Variants in PARG observed in about 807,000 individuals in gnomAD.
PARG encodes the protein mitochondrial poly(ADP-ribose) glycohydrolase.
PARG carries 35 observed loss-of-function variants against 113.0 expected under a neutral mutation model. That is an observed-to-expected ratio of 0.31 (90% CI 0.24 to 0.41). The LOEUF (loss-of-function observed/expected upper bound fraction) is 0.41. PARG is among the 10% of genes least tolerant of loss of function. The pLI, the probability that PARG is intolerant of heterozygous loss-of-function variation, is 1.00. For missense variants in PARG, 797 were observed against 1,169.4 expected, an observed-to-expected ratio of 0.68 and a Z score of 4.64; for synonymous variants, 330 against 409.9, an observed-to-expected ratio of 0.81 and a Z score of 2.36.
chr10:49,937,345 G>A (rs1564671218), intron 1 of PARG, among the ~76,000 whole-genome samples: 2 of 151,936 alleles, frequency 1.3e-5, no homozygotes, highest in Admixed American at 1.3e-4. Context: ...ACGTGGTGGC[G>A]GGCGCCTGTA....
intron 9 of PARG, among the ~76,000 whole-genome samples, chr10:49,877,216 TTTAA>T (rs1245681104): frequency 6.9e-6 from 1 of 144,206 alleles, no homozygotes; most frequent in Non-Finnish European, 1.6e-5. Flanking sequence ...AGTTTTTAAG[TTTAA>T]TTAAAATTTA....
chr10:49,876,793 T>C (rs1243483707), intron 9 of PARG, among the ~76,000 whole-genome samples: 8 of 151,084 alleles, frequency 5.3e-5, no homozygotes, highest in African/African-American at 1.9e-4. Flanking sequence ...GTGGGGAATA[T>C]TGCAGTTGCT....
chr10:49,933,477 G>A lies in PARG; in HGVS notation c.971C>T (p.Pro324Leu). 1 of 1,610,364 alleles carries A rather than the reference G, an allele frequency of 6.2e-7. No individual in the cohort carries two copies. The highest frequency in any genetic ancestry group is 1.7e-5 in the Admixed American group (1 of 59,996). The change falls in exon 3 of 18, where the codon CCA becomes CTA. Residue 324 changes from proline (P) to leucine (L), a missense_variant. Physicochemically the swap from Pro to Leu is moderately conservative, Grantham distance 98 (BLOSUM62 -3). Coordinates refer to ENST00000616448, the MANE Select transcript of PARG (RefSeq NM_003631.5). ...ACCATCTTCTTGTTCATCAAAACCTGGACTTGTCTCCTCATCTGCTTCTGA... is the reference window on the plus strand; with the variant it reads ...ACCATCTTCTTGTTCATCAAAACCTAGACTTGTCTCCTCATCTGCTTCTGA... ...QDSEADEETS[P>L]GFDEQEDGSS...
At chr10:49,889,647 C>T (rs1434395742) in intron 7 of PARG, among the ~76,000 whole-genome samples, 1 of 152,196 alleles carries the variant, frequency 6.6e-6, no homozygotes, top group Non-Finnish European at 1.5e-5. Flanking sequence ...GAGAGAAGTG[C>T]CTATTCAACC....
chr10:49,929,574 T>A (rs1838385922), intron 4 of PARG, among the ~76,000 whole-genome samples: 1 of 152,266 alleles, frequency 6.6e-6, no homozygotes. Flanking sequence ...ACGCCTGTAA[T>A]CCCAGCACTT....
chr10:49,888,554 T>C (rs1554840858), intron 7 of PARG, among the ~76,000 whole-genome samples: 8 of 152,224 alleles, frequency 5.3e-5, no homozygotes. Context: ...CACTTCTTTC[T>C]GGTCTCCATG....
intron 7 of PARG, among the ~76,000 whole-genome samples, chr10:49,893,834 C>T (rs1847933737): frequency 6.6e-6 from 1 of 151,978 alleles, no homozygotes. Flanking sequence ...GCTGTGACTA[C>T]AGGCACCCGC....
chr10:49,941,033 T>C (rs1241166330), intron 1 of PARG, among the ~76,000 whole-genome samples: 70 of 152,200 alleles, frequency 4.6e-4, no homozygotes, highest in African/African-American at 1.5e-3. Flanking sequence ...TCCAGATAGA[T>C]TTTAAGGTAT....
In PARG at chr10:49,938,269, C is replaced by T. The variant is rs1184949435; in HGVS notation, c.218-3127G>A. 1.0e-3 allele frequency among the ~76,000 whole-genome samples: 156 copies of T among 152,248 alleles called. 4 individuals are homozygous for T. In the South Asian group the frequency reaches 0.03, roughly 29 times the overall value. On this transcript the variant is annotated intron_variant, in intron 1 of 17. Transcript: ENST00000616448. ...CAAAAATTAGAGAAAATATTGTGTT[C>T]AGCCTCACAAAGCACTCAATATGTT...
chr10:49,888,933 T>C (rs1276464097), intron 7 of PARG, among the ~76,000 whole-genome samples: 1 of 152,158 alleles, frequency 6.6e-6, no homozygotes, highest in Non-Finnish European at 1.5e-5. Context: ...TTTCTCTTAA[T>C]TTCTTCCAAG....
Position 49,909,931 on chromosome 10 carries a change from C to A in PARG, c.1737+5986G>T, listed in dbSNP as rs186273461. On this transcript the variant is annotated intron_variant, in intron 7 of 17. Coordinates refer to ENST00000616448, the MANE Select transcript of PARG (RefSeq NM_003631.5). The stretch of plus-strand genomic sequence containing the variant: ...ACACAGAATCTGTGTGACGCTGTAC[C>A]CCTCAAGCATTTAAATTAATGAAAA... 635 of 156,428 alleles carry A rather than the reference C, an allele frequency of 4.1e-3. 5 individuals carry two copies. Among genetic ancestry groups the A allele is most frequent in the African/African-American group, 0.014 (589 of 41,414 alleles). 9.7% of individuals were successfully genotyped at this position (156,428 alleles called of 1,614,324 possible).
At chr10:49,897,399 A>G (rs2259188) in intron 7 of PARG, among the ~76,000 whole-genome samples, 17 of 152,298 alleles carry the variant, frequency 1.1e-4, no homozygotes, top group African/African-American at 4.1e-4. Flanking sequence ...GGAAGCCTTC[A>G]CTGATTGCCT....
chr10:49,853,194 C>T (rs1376874400), intron 13 of PARG, among the ~76,000 whole-genome samples: 2 of 151,590 alleles, frequency 1.3e-5, no homozygotes, highest in Non-Finnish European at 2.9e-5. Flanking sequence ...CCACCAGGCC[C>T]AGCTAATTTT....
At chr10:49,926,567 C>T (rs1318788891) in intron 4 of PARG, among the ~76,000 whole-genome samples, 4 of 152,288 alleles carry the variant, frequency 2.6e-5, no homozygotes, top group East Asian at 3.9e-4. Flanking sequence ...CTCTGACTGA[C>T]GTTCTTCATT....
At chr10:49,941,240 A>G (rs1395312557) in intron 1 of PARG, among the ~76,000 whole-genome samples, 1 of 152,114 alleles carries the variant, frequency 6.6e-6, no homozygotes, top group Non-Finnish European at 1.5e-5. Context: ...CAATTTCTCA[A>G]TCAAACCTGA....
At chr10:49,922,186 T>G in intron 6 of PARG, 150 bp downstream of exon 6, 1 of 736,392 alleles carries the variant, frequency 1.4e-6, no homozygotes, top group Non-Finnish European at 2.2e-6. Context: ...CATTTCCTAG[T>G]AGAATGTCTC....
At chr10:49,939,903 C>T (rs1838939785) in intron 1 of PARG, among the ~76,000 whole-genome samples, 1 of 152,220 alleles carries the variant, frequency 6.6e-6, no homozygotes, top group Non-Finnish European at 1.5e-5. Flanking sequence ...GCCTCTTACA[C>T]TGTTAACGAA....
intron 7 of PARG, among the ~76,000 whole-genome samples, chr10:49,887,877 T>G (rs1490730052): frequency 2.6e-5 from 4 of 152,226 alleles, no homozygotes; most frequent in Admixed American, 6.5e-5. Flanking sequence ...TTTAGGTCAT[T>G]TATGTTTAAT....
At chr10:49,925,290 T>C (rs1369620052) in intron 4 of PARG, among the ~76,000 whole-genome samples, 1 of 152,114 alleles carries the variant, frequency 6.6e-6, no homozygotes, top group Non-Finnish European at 1.5e-5. Context: ...GCCTGTTACC[T>C]ACAAGCATCA....
Sources: gnomAD v4.1 joint callset for allele counts (sites outside exome capture counted in the v4.1 genomes callset) on GRCh38, gnomAD v4.1.1 for gene constraint, MANE v1.5 for transcripts, NCBI Gene and HGNC (gene_info 2026-07-23, HGNC 2026-07-21) for gene names.